Variants in SMG7 observed in about 807,000 individuals in gnomAD.
SMG7 encodes nonsense-mediated mRNA decay factor SMG7.
Under a neutral mutation model 148.2 loss-of-function variants are expected in SMG7, and 34 were observed. The observed-to-expected ratio is 0.23, with a 90% CI of 0.17 to 0.31. SMG7 has a LOEUF of 0.31. Ranked by LOEUF, SMG7 falls within the 10% of genes least tolerant of loss-of-function variation. The pLI, the probability that SMG7 is intolerant of heterozygous loss-of-function variation, is 1.00. For synonymous variants in SMG7, 492 were observed against 515.1 expected (o/e 0.96, Z 0.61); for missense variants, 1,114 against 1,408.4 (o/e 0.79, Z 3.35).
chr1:183,552,818 G>C lies in SMG7; in HGVS notation c.*887G>C. 3 of 1,430,374 alleles carry C rather than the reference G, an allele frequency of 2.1e-6. No individual in the cohort carries two copies. The highest frequency in any genetic ancestry group is 2.7e-6 in the Non-Finnish European group (3 of 1,096,738). The allele number at this position is 1,430,374 out of a possible 1,614,324, so 88.6% of individuals were successfully genotyped here. A position where few individuals can be genotyped will look rare whatever the true frequency, so the allele number is the denominator to read the frequency against. On this transcript the variant is annotated 3_prime_UTR_variant, in exon 23 of 23. Coordinates refer to ENST00000688051, the MANE Select transcript of SMG7 (RefSeq NM_001375584.1). ...ATTCACAGCCTGACACGTTCTAATA[G>C]GTAGAAGCTTTCAGTGTGGTTATTT...
intron 12 of SMG7, among the ~76,000 whole-genome samples, chr1:183,539,758 T>C (rs1293929660): frequency 6.6e-6 from 1 of 152,236 alleles, no homozygotes; most frequent in East Asian, 1.9e-4. Context: ...CAAGCCTTTA[T>C]AATTATGTGT....
chr1:183,492,625 T>A (rs1657348978), intron 1 of SMG7, among the ~76,000 whole-genome samples: 1 of 152,182 alleles, frequency 6.6e-6, no homozygotes, highest in Non-Finnish European at 1.5e-5. Flanking sequence ...ATAACTATAG[T>A]TCAGTTTGGG....
In SMG7 at chr1:183,542,423, A is replaced by C; in HGVS notation, c.1763A>C (p.Asn588Thr). Residue 588 changes from asparagine (N) to threonine (T), a missense_variant, in exon 14 of 23, where the codon AAC (asparagine) becomes ACC (threonine). Physicochemically the swap from Asn to Thr is moderately conservative, Grantham distance 65. Around this residue, in one of 4 missense-constraint regions of SMG7, gnomAD observed 788 missense variants for 894.5 expected, o/e 0.88. Transcript: ENST00000688051. ...TVTKNDGKKD[N>T]NKRKTETKKC... ...ACTAAGAATGATGGAAAGAAGGACA[A>C]CAACAAGAGGAAAACTGAAACCAAG... 6.2e-7 allele frequency: 1 copy of C among 1,614,102 alleles called. No individual in the cohort carries two copies. The highest frequency in any genetic ancestry group is 2.2e-5 in the East Asian group (1 of 44,854).
At chr1:183,503,696 T>C (rs1270787119) in intron 1 of SMG7, among the ~76,000 whole-genome samples, 1 of 152,248 alleles carries the variant, frequency 6.6e-6, no homozygotes, top group Non-Finnish European at 1.5e-5. Flanking sequence ...AGTAATTTGA[T>C]GGTCATTGAA....
At chr1:183,539,763 A>G (rs931053365) in intron 12 of SMG7, among the ~76,000 whole-genome samples, 2 of 152,194 alleles carry the variant, frequency 1.3e-5, no homozygotes, top group African/African-American at 2.4e-5. Context: ...CTTTATAATT[A>G]TGTGTCTGAA....
intron 9 of SMG7, among the ~76,000 whole-genome samples, 160 bp downstream of exon 9, chr1:183,533,486 T>C (rs149199649): frequency 2.6e-3 from 391 of 152,370 alleles, no homozygotes; most frequent in African/African-American, 9.1e-3. Flanking sequence ...TCTATCCTTT[T>C]ATCTGCTGAT....
chr1:183,473,733 G>T (rs1224029313), intron 1 of SMG7: 1 of 985,224 alleles, frequency 1.0e-6, no homozygotes, highest in African/African-American at 1.7e-5. Flanking sequence ...GCAGAACTAA[G>T]AAAGGGAGGC....
chr1:183,496,901 G>A (rs747403607), intron 1 of SMG7, among the ~76,000 whole-genome samples: 40 of 152,196 alleles, frequency 2.6e-4, no homozygotes, highest in Non-Finnish European at 4.4e-4. Context: ...AGTTAAAGCC[G>A]TCCTGGGCTG....
At chr1:183,474,701 A>G (rs1036000677) in intron 1 of SMG7, among the ~76,000 whole-genome samples, 3 of 152,094 alleles carry the variant, frequency 2.0e-5, no homozygotes, top group African/African-American at 7.2e-5. Context: ...ATGATTCATT[A>G]GTTGTTTTGT....
intron 1 of SMG7, among the ~76,000 whole-genome samples, chr1:183,486,757 T>G (rs1395527326): frequency 6.6e-6 from 1 of 151,578 alleles, no homozygotes; most frequent in African/African-American, 2.4e-5. Context: ...CAGGCTGGAC[T>G]CCAGTCACGT....
In SMG7 at chr1:183,527,805, A is replaced by G. The variant is rs1369651017; in HGVS notation, c.485-151A>G. 8.1e-6 allele frequency: 5 copies of G among 620,472 alleles called. No individual in the cohort carries two copies. The highest frequency in any genetic ancestry group is 2.7e-4 in the Middle Eastern group (1 of 3,752). The allele number at this position is 620,472 out of a possible 1,614,324, so 38.4% of individuals were successfully genotyped here. A position where few individuals can be genotyped will look rare whatever the true frequency, so the allele number is the denominator to read the frequency against. On this transcript the variant is annotated intron_variant, in intron 5 of 22. Transcript: ENST00000688051. This position sits in a 1 kb window ranked among gnomAD's most constrained non-coding sequence, Gnocchi z 4.0. ...TGATGGACACTTCACACATAATCCT[A>G]TAGTTAATTTGTTTTAAAGTATTTT... is the stretch of plus-strand genomic sequence containing the variant.
At chr1:183,473,036 T>G in intron 1 of SMG7, 2 of 249,268 alleles carry the variant, frequency 8.0e-6, no homozygotes, top group Non-Finnish European at 7.6e-6. Flanking sequence ...ACTCGTGGTG[T>G]GGCGTGGGAT....
rs776618189 is a variant in SMG7 at position 183,545,294 on chromosome 1, C to T, written c.2352C>T (p.His784=). Residue 784 remains histidine (H), a synonymous_variant, in exon 16 of 23, where the codon CAC becomes CAT. Coordinates refer to ENST00000688051, the MANE Select transcript of SMG7 (RefSeq NM_001375584.1). ...CGGCTTTGGGGAAAAGCCCGCCTCA[C>T]CACTCTGGATTCCAGCAGGTAAGTT... is the stretch of plus-strand genomic sequence containing the variant. ...AVPALGKSPP[H]HSGFQQYQQA... is the part of the protein sequence containing the mutation. The T allele has an allele frequency of 4.3e-6, 7 of 1,610,366 alleles. No individual in the cohort carries two copies. In the South Asian group the frequency reaches 6.6e-5, roughly 15 times the overall value.
Position 183,501,553 on chromosome 1 carries a change from T to G in SMG7, c.30-11284T>G, listed in dbSNP as rs573700456. Among the ~76,000 whole-genome samples the G allele has an allele frequency of 3.3e-5, 5 of 152,310 alleles. No homozygotes were observed. The South Asian group carries it at 1.0e-3, about 32-fold the overall frequency. On this transcript the variant is annotated intron_variant, in intron 1 of 22. Transcript: ENST00000688051. Reference sequence around the variant, plus strand: ...GAGTTAAATTGAAGTCCCCAAGAAATTGTGCTGTTTTTCTTGTGACTTGAT... The same window carrying G: ...GAGTTAAATTGAAGTCCCCAAGAAAGTGTGCTGTTTTTCTTGTGACTTGAT...
chr1:183,536,871 A>G (rs981013883), intron 10 of SMG7, among the ~76,000 whole-genome samples: 4 of 152,150 alleles, frequency 2.6e-5, no homozygotes, highest in Non-Finnish European at 5.9e-5. Context: ...AAAACTGACA[A>G]ATTATTTTCA....
intron 6 of SMG7, among the ~76,000 whole-genome samples, 168 bp from the exon 7 acceptor site, chr1:183,528,724 C>T (rs188740642): frequency 1.3e-5 from 2 of 152,156 alleles, no homozygotes; most frequent in Admixed American, 6.5e-5. Context: ...TGTGTACTGT[C>T]GCTGAAGTGT....
intron 4 of SMG7, among the ~76,000 whole-genome samples, chr1:183,522,777 T>G (rs1316826475): frequency 1.3e-5 from 2 of 151,750 alleles, no homozygotes; most frequent in African/African-American, 4.8e-5. Context: ...TTTTTTAGTT[T>G]TTTGTTTTTT....
intron 3 of SMG7, 134 bp from the exon 4 acceptor site, chr1:183,517,554 A>G: frequency 1.2e-6 from 1 of 846,906 alleles, no homozygotes. Flanking sequence ...ATTTAAATAA[A>G]TGAATAACTT....
intron 1 of SMG7, among the ~76,000 whole-genome samples, chr1:183,499,935 T>C (rs915393096): frequency 1.3e-5 from 2 of 152,210 alleles, no homozygotes; most frequent in Non-Finnish European, 2.9e-5. Context: ...GGTGGTCTTA[T>C]CTGACCATTT....
Sources: allele counts gnomAD v4.1 joint callset (sites outside exome capture counted in the v4.1 genomes callset), GRCh38; gene constraint gnomAD v4.1.1; regional missense constraint gnomAD v4.1.1; non-coding constraint Gnocchi (gnomAD v3.1); transcripts MANE v1.5; gene names NCBI Gene and HGNC (gene_info 2026-07-23, HGNC 2026-07-21).